Variants in TXNRD1 observed in about 807,000 individuals in gnomAD.
TXNRD1 encodes thioredoxin reductase 1, also known as thioredoxin reductase 1, cytoplasmic.
A neutral mutation model predicts 80.3 loss-of-function variants in TXNRD1; 57 were observed. The observed-to-expected ratio is 0.71, with a 90% confidence interval of 0.57 to 0.89. The LOEUF is 0.89. Among genes scored for constraint, TXNRD1 ranks in the 40% least tolerant of loss-of-function variants. The pLI is 0.00. For missense variants in TXNRD1, 730 were observed against 803.0 expected (o/e 0.91, Z 1.10); for synonymous variants, 291 against 285.2 (o/e 1.02, Z -0.20).
At chr12:104,254,399 C>CAAT (rs2033192729) in intron 2 of TXNRD1, among the ~76,000 whole-genome samples, 1 of 151,740 alleles carries the variant, frequency 6.6e-6, no homozygotes, top group South Asian at 2.1e-4. Flanking sequence ...TGACATAATG[C>CAAT]TAAGTACAAT....
intron 9 of TXNRD1, 137 bp downstream of exon 9, chr12:104,319,722 G>A: frequency 3.0e-6 from 2 of 671,584 alleles, no homozygotes; most frequent in East Asian, 2.8e-5. Flanking sequence ...TGGGGGCAGG[G>A]GTTTGGGAGA....
chr12:104,305,905 A>G (rs1282340859), intron 4 of TXNRD1, among the ~76,000 whole-genome samples: 2 of 151,796 alleles, frequency 1.3e-5, no homozygotes, highest in Non-Finnish European at 1.5e-5. Context: ...TTGCATTTCT[A>G]TCTTTTTTTT....
intron 15 of TXNRD1, among the ~76,000 whole-genome samples, chr12:104,336,474 A>C (rs1228683070): frequency 6.6e-6 from 1 of 152,226 alleles, no homozygotes; most frequent in Non-Finnish European, 1.5e-5. Flanking sequence ...ATTTTGAATC[A>C]GTCACTTGAC....
intron 3 of TXNRD1, chr12:104,286,905 A>G: frequency 8.7e-6 from 10 of 1,150,206 alleles, no homozygotes; most frequent in Non-Finnish European, 9.7e-6. Context: ...ATAGGTTGCC[A>G]GGGCTGCACG....
intron 16 of TXNRD1, among the ~76,000 whole-genome samples, chr12:104,340,213 TC>T (rs1324015705): frequency 6.6e-6 from 1 of 152,250 alleles, no homozygotes; most frequent in Non-Finnish European, 1.5e-5. Flanking sequence ...TTTATTTCTT[TC>T]ATTTATAGAA....
intron 4 of TXNRD1, among the ~76,000 whole-genome samples, chr12:104,308,196 C>T (rs910597205): frequency 2.6e-5 from 4 of 152,052 alleles, no homozygotes; most frequent in Non-Finnish European, 5.9e-5. Flanking sequence ...GGGGTTTCAC[C>T]GTGTTAGCCA....
At chr12:104,274,306 G>T (rs534323718) in intron 3 of TXNRD1, among the ~76,000 whole-genome samples, 1 of 152,110 alleles carries the variant, frequency 6.6e-6, no homozygotes, top group Non-Finnish European at 1.5e-5. Flanking sequence ...GCCATCAACT[G>T]TCTCGGGCTT....
At chr12:104,313,223 C>G (rs1318283770) in intron 5 of TXNRD1, 22 bp from the exon 6 acceptor site, 1 of 1,555,792 alleles carries the variant, frequency 6.4e-7, no homozygotes, top group Admixed American at 1.9e-5. Context: ...TTCCAACTCA[C>G]TTTAATAATT....
At chr12:104,312,901 G>C (rs2035189095) in intron 5 of TXNRD1, among the ~76,000 whole-genome samples, 1 of 152,010 alleles carries the variant, frequency 6.6e-6, no homozygotes, top group Non-Finnish European at 1.5e-5. Context: ...TCAGCTACTT[G>C]GCAACTTGCT....
At position 104,269,492 on chromosome 12, in the gene TXNRD1, C is replaced by T. The variant is rs148680944; in HGVS notation, c.304+11413C>T. Among the ~76,000 whole-genome samples, 205 of 151,252 alleles carry T rather than the reference C, an allele frequency of 1.4e-3. 3 individuals are homozygous for T. The East Asian group carries it at 0.032, about 23-fold the overall frequency. ...ATGGCTCACTGTGGCCTCAACCTCC[C>T]GGGCTCAAGTGATCCTCCTGCCTCA... On this transcript the variant is annotated intron_variant, in intron 3 of 16. Coordinates refer to ENST00000525566, the MANE Select transcript of TXNRD1 (RefSeq NM_001093771.3).
At chr12:104,274,376 A>G (rs989596507) in intron 3 of TXNRD1, among the ~76,000 whole-genome samples, 1 of 152,114 alleles carries the variant, frequency 6.6e-6, no homozygotes. Flanking sequence ...TCAACTATCT[A>G]ATAGTGTTTA....
At chr12:104,265,320 G>A (rs2033454983) in intron 3 of TXNRD1, 4 of 1,608,188 alleles carry the variant, frequency 2.5e-6, no homozygotes, top group South Asian at 2.2e-5. Flanking sequence ...TGAAGGCCTC[G>A]GGCACGCTAC....
chr12:104,331,555 A>G lies in TXNRD1; in HGVS notation c.1564A>G (p.Thr522Ala), dbSNP rs771422423. 15 of 1,609,868 alleles carry G rather than the reference A, an allele frequency of 9.3e-6. No homozygotes were observed. The highest frequency in any genetic ancestry group is 1.3e-5 in the Non-Finnish European group (15 of 1,177,490). ...TVKCDYENVPTTVFTPLEYGA... is the reference protein window; with the variant it reads ...TVKCDYENVPATVFTPLEYGA... ...ACAGTGTGACTATGAAAATGTTCCA[A>G]CCACTGTATTTACTCCTTTGGAATA... Residue 522 changes from threonine (T) to alanine (A), a missense_variant, in exon 14 of 17, where the codon ACC (threonine) becomes GCC (alanine). Physicochemically the swap from Thr to Ala is moderately conservative, Grantham distance 58. Coordinates refer to ENST00000525566, the MANE Select transcript of TXNRD1 (RefSeq NM_001093771.3).
chr12:104,248,912 C>G (rs562054575), intron 1 of TXNRD1, among the ~76,000 whole-genome samples: 1 of 152,308 alleles, frequency 6.6e-6, no homozygotes, highest in African/African-American at 2.4e-5. Flanking sequence ...CTCCCCCGCC[C>G]AGGTTCAAGT....
intron 3 of TXNRD1, among the ~76,000 whole-genome samples, chr12:104,282,678 G>A (rs1014424958): frequency 2.1e-4 from 32 of 152,142 alleles, no homozygotes; most frequent in African/African-American, 7.5e-4. Context: ...AAGGGTTGGG[G>A]CACATGGGAT....
At chr12:104,280,061 T>TTAAAAAAAAAA (rs1593744566) in intron 3 of TXNRD1, among the ~76,000 whole-genome samples, 1 of 13,848 alleles carries the variant, frequency 7.2e-5, no homozygotes, top group Non-Finnish European at 1.5e-4. Context: ...AGACTCTGTC[T>TTAAAAAAAAAA]CAAAAAAAAA....
chr12:104,324,961 A>G (rs974650030), intron 10 of TXNRD1, among the ~76,000 whole-genome samples: 1 of 152,218 alleles, frequency 6.6e-6, no homozygotes, highest in Admixed American at 6.5e-5. Flanking sequence ...TTTGGGCAAC[A>G]GTTGCCCTCC....
chr12:104,344,334 A>G (rs2036424457), intron 16 of TXNRD1, among the ~76,000 whole-genome samples: 2 of 151,294 alleles, frequency 1.3e-5, no homozygotes, highest in Admixed American at 6.6e-5. Flanking sequence ...AGAGAGATAC[A>G]TATTGTGAAA....
rs2036056975 is a variant in TXNRD1, at chr12:104,334,290, C to T, written c.1704C>T (p.Asn568=). ...PLEWTIPSRD[N]NKCYAKIICN... ...AATGGACGATTCCGTCAAGAGATAACAACAAATGTTATGCAAAAATAATCT... is the reference window on the plus strand; with the variant it reads ...AATGGACGATTCCGTCAAGAGATAATAACAAATGTTATGCAAAAATAATCT... Residue 568 remains asparagine, a synonymous_variant, in exon 15 of 17, where the codon AAC becomes AAT. Transcript: ENST00000525566. 2.6e-6 allele frequency: 4 copies of T among 1,536,784 alleles called. No homozygotes were observed. In the South Asian group the frequency reaches 4.9e-5, roughly 19 times the overall value.
Sources: allele counts gnomAD v4.1 joint callset (sites outside exome capture counted in the v4.1 genomes callset), GRCh38; gene constraint gnomAD v4.1.1; transcripts MANE v1.5; gene names NCBI Gene and HGNC (gene_info 2026-07-23, HGNC 2026-07-21).